Variants in RBFOX1 observed in about 807,000 individuals in gnomAD.
RBFOX1 encodes RNA binding protein fox-1 homolog 1.
In RBFOX1, 8 loss-of-function variants were observed where a neutral mutation model predicts 57.7. The observed-to-expected ratio is 0.14, with a 90% CI of 0.08 to 0.25. RBFOX1 has a LOEUF of 0.25. RBFOX1 is among the 10% of genes least tolerant of loss of function. The pLI is 1.00. For synonymous variants in RBFOX1, 326 were observed against 222.4 expected (o/e 1.47, Z -4.15); for missense variants, 611 against 548.5 (o/e 1.11, Z -1.14).
intron 1 of RBFOX1, among the ~76,000 whole-genome samples, chr16:6,257,663 G>A (rs2097676721): frequency 1.3e-5 from 2 of 152,124 alleles, no homozygotes; most frequent in African/African-American, 2.4e-5. Context: ...TTATAAGTGA[G>A]ACCATGCGGT....
In RBFOX1 at chr16:7,711,694, T is replaced by A. The variant is rs908278143; in HGVS notation, c.*949T>A. On this transcript the variant is annotated 3_prime_UTR_variant, in exon 16 of 16. Coordinates refer to ENST00000550418, the MANE Select transcript of RBFOX1 (RefSeq NM_018723.4). ...TAAAATTTACATCTGTGCAGTGGAG[T>A]TGTTAAGTTCTAGAAACAGTCTATG... The A allele has an allele frequency of 3.9e-5, 6 of 152,606 alleles. No individual in the cohort carries two copies. Among genetic ancestry groups the A allele is most frequent in the Non-Finnish European group, 7.3e-5 (5 of 68,030 alleles). 9.5% of individuals were successfully genotyped at this position (152,606 alleles called of 1,614,324 possible).
intron 3 of RBFOX1, among the ~76,000 whole-genome samples, chr16:6,756,758 G>T (rs1229888884): frequency 6.6e-6 from 1 of 152,110 alleles, no homozygotes; most frequent in Non-Finnish European, 1.5e-5. Context: ...GGTCATGTGA[G>T]GTCAGGAGTT....
intron 2 of RBFOX1, among the ~76,000 whole-genome samples, chr16:5,475,315 A>G (rs963449519): frequency 6.6e-6 from 1 of 152,236 alleles, no homozygotes; most frequent in Admixed American, 6.5e-5. Flanking sequence ...GCATCCTGCT[A>G]TTAAGTCTAC....
At chr16:6,633,891 G>C (rs904030601) in intron 2 of RBFOX1, among the ~76,000 whole-genome samples, 1 of 152,046 alleles carries the variant, frequency 6.6e-6, no homozygotes, top group African/African-American at 2.4e-5. Flanking sequence ...CATGCCTGTA[G>C]TCCTAGCGAC....
intron 1 of RBFOX1, among the ~76,000 whole-genome samples, chr16:6,101,093 C>G (rs2096301884): frequency 6.6e-6 from 1 of 152,340 alleles, no homozygotes; most frequent in East Asian, 1.9e-4. Flanking sequence ...CAAAAACCAT[C>G]TGTGTCCATT....
intron 3 of RBFOX1, among the ~76,000 whole-genome samples, chr16:6,822,578 G>A (rs899036741): frequency 5.3e-5 from 8 of 152,212 alleles, no homozygotes; most frequent in African/African-American, 1.9e-4. Context: ...TCTTCGCCGT[G>A]CTTGCATTTT....
chr16:6,995,571 G>A (rs1006234438), intron 3 of RBFOX1, among the ~76,000 whole-genome samples: 10 of 151,952 alleles, frequency 6.6e-5, no homozygotes, highest in African/African-American at 2.4e-4. Context: ...ACCAGCATGG[G>A]CAACACACTG....
rs945185574 is a variant in RBFOX1, at chr16:7,679,131, GT to G, written c.995+2295del. ...AAATGGACAGAAAGCAATCTTTAAA[GT>G]TGTATTTCTGATGTTTTAAAATGTC... is the stretch of plus-strand genomic sequence containing the variant. On this transcript the variant is annotated intron_variant, in intron 14 of 15. Coordinates refer to ENST00000550418, the MANE Select transcript of RBFOX1 (RefSeq NM_018723.4). Among the ~76,000 whole-genome samples the G allele has an allele frequency of 1.3e-3, 200 of 152,268 alleles. 1 individual carries two copies. Among genetic ancestry groups the G allele is most frequent in the Non-Finnish European group, 5.6e-4 (38 of 68,018 alleles).
At chr16:5,703,966 T>A (rs906042191) in intron 3 of RBFOX1, among the ~76,000 whole-genome samples, 14 of 152,160 alleles carry the variant, frequency 9.2e-5, no homozygotes, top group African/African-American at 3.4e-4. Context: ...TATGCCCAGG[T>A]TAAGCCCCCT....
chr16:7,081,505 A>T (rs1172019243), intron 4 of RBFOX1, among the ~76,000 whole-genome samples: 1 of 152,214 alleles, frequency 6.6e-6, no homozygotes, highest in Non-Finnish European at 1.5e-5. Context: ...GGCTAGAAAA[A>T]TAGAAGCACT....
At chr16:6,345,741 G>C (rs1217535941) in intron 2 of RBFOX1, among the ~76,000 whole-genome samples, 1 of 152,188 alleles carries the variant, frequency 6.6e-6, no homozygotes, top group African/African-American at 2.4e-5. Context: ...TCTAAGACTG[G>C]TCTCAGTTAA....
chr16:7,234,101 C>T (rs1161652384), intron 4 of RBFOX1, among the ~76,000 whole-genome samples: 3 of 152,272 alleles, frequency 2.0e-5, no homozygotes, highest in African/African-American at 7.2e-5. Flanking sequence ...GGTCAATTTT[C>T]ATTGCATTCA....
chr16:6,074,030 G>T (rs532656501), intron 1 of RBFOX1, among the ~76,000 whole-genome samples: 1 of 152,100 alleles, frequency 6.6e-6, no homozygotes, highest in South Asian at 2.1e-4. Flanking sequence ...CTCACTGCAA[G>T]CTCCACCTCC....
At chr16:5,769,389 C>G (rs560669634) in intron 3 of RBFOX1, among the ~76,000 whole-genome samples, 2 of 151,614 alleles carry the variant, frequency 1.3e-5, no homozygotes, top group South Asian at 2.1e-4. Flanking sequence ...ACCTATAATC[C>G]TAGCACTTCT....
chr16:6,833,062 T>C (rs2092824368), intron 3 of RBFOX1, among the ~76,000 whole-genome samples: 1 of 152,146 alleles, frequency 6.6e-6, no homozygotes, highest in Non-Finnish European at 1.5e-5. Flanking sequence ...TTCAGGCTCT[T>C]TTCCACCTCA....
intron 1 of RBFOX1, among the ~76,000 whole-genome samples, chr16:6,042,119 G>A (rs74821175): frequency 1.2e-5 from 1 of 80,706 alleles, no homozygotes; most frequent in East Asian, 3.2e-4. Flanking sequence ...TTTTTTTTTT[G>A]AGACAGAGTC....
At chr16:5,842,065 C>T (rs1235071945) in intron 3 of RBFOX1, among the ~76,000 whole-genome samples, 1 of 152,184 alleles carries the variant, frequency 6.6e-6, no homozygotes, top group African/African-American at 2.4e-5. Flanking sequence ...GATGGTGAAT[C>T]TCTGCCCTGA....
In RBFOX1 at chr16:7,155,879, G is replaced by C. The variant is rs547252437; in HGVS notation, c.27+103781G>C. On this transcript the variant is annotated intron_variant, in intron 4 of 15. Transcript: ENST00000550418. ...ACCATATGTAGTGGTCATAAAATTG[G>C]ATATAAATTTTATGTCTCTATAACT... Among the ~76,000 whole-genome samples, 30 of 150,904 alleles carry C rather than the reference G, an allele frequency of 2.0e-4. No individual in the cohort carries two copies. In the South Asian group the frequency reaches 6.3e-3, roughly 32 times the overall value.
At chr16:7,505,438 C>T (rs1214945123) in intron 4 of RBFOX1, among the ~76,000 whole-genome samples, 1 of 152,180 alleles carries the variant, frequency 6.6e-6, no homozygotes, top group Non-Finnish European at 1.5e-5. Flanking sequence ...TGGTTGGGAA[C>T]TTCACTTGTT....
Sources: gnomAD v4.1 joint callset for allele counts (sites outside exome capture counted in the v4.1 genomes callset) on GRCh38, gnomAD v4.1.1 for gene constraint, MANE v1.5 for transcripts, NCBI Gene and HGNC (gene_info 2026-07-23, HGNC 2026-07-21) for gene names.